Variants in ABCA12 observed in about 807,000 individuals in gnomAD.
The protein encoded by ABCA12 is ATP binding cassette subfamily A member 12.
In ABCA12, 156 loss-of-function variants were observed where a neutral mutation model predicts 293.5. That is an observed-to-expected ratio of 0.53 (90% confidence interval 0.47 to 0.61). The LOEUF (loss-of-function observed/expected upper bound fraction) is 0.61, where lower values mean the gene tolerates loss of function less well. Ranked by LOEUF, ABCA12 falls within the 20% of genes least tolerant of loss-of-function variation. The probability of loss-of-function intolerance (pLI) is 0.00; values close to 1 mark genes in which losing one functional copy is unlikely to be tolerated. For synonymous variants in ABCA12, 1,063 were observed against 1,108.0 expected (o/e 0.96, Z 0.81); for missense variants, 2,797 against 3,090.2 (o/e 0.91, Z 2.25).
intron 50 of ABCA12, among the ~76,000 whole-genome samples, chr2:214,938,030 T>C (rs760140246): frequency 2.0e-5 from 3 of 152,172 alleles, no homozygotes; most frequent in African/African-American, 4.8e-5. Context: ...TAGGTATACA[T>C]GTGCCGTGGT....
chr2:214,970,533 A>G (rs1177826457), intron 36 of ABCA12, 133 bp from the exon 37 acceptor site: 15 of 968,678 alleles, frequency 1.5e-5, no homozygotes, highest in Non-Finnish European at 2.3e-5. Flanking sequence ...CTGTCCTTTG[A>G]CTCTAAAGAG....
chr2:215,137,892 T>G (rs968065764), intron 1 of ABCA12, among the ~76,000 whole-genome samples: 1 of 152,218 alleles, frequency 6.6e-6, no homozygotes, highest in African/African-American at 2.4e-5. Flanking sequence ...ATGTTCTTTT[T>G]TTTTTGCCCA....
intron 7 of ABCA12, among the ~76,000 whole-genome samples, chr2:215,040,046 A>ACAATAACTGTT (rs1473195609): frequency 6.6e-6 from 1 of 152,186 alleles, no homozygotes; most frequent in African/African-American, 2.4e-5. Context: ...TTAACATACT[A>ACAATAACTGTT]AAAAGTATTA....
chr2:215,017,933 TAA>T, intron 14 of ABCA12, 73 bp downstream of exon 14: 1 of 1,599,444 alleles, frequency 6.3e-7, no homozygotes, highest in East Asian at 2.2e-5. Context: ...GTTTAACTGG[TAA>T]GCGCTCAACA....
At chr2:215,050,695 T>C (rs1271091725) in intron 5 of ABCA12, 3 of 738,014 alleles carry the variant, frequency 4.1e-6, no homozygotes, top group African/African-American at 3.8e-5. Flanking sequence ...CTAAAAGTAA[T>C]GGAACAAGAC....
chr2:215,015,171 AT>A (rs1574984459), intron 15 of ABCA12, among the ~76,000 whole-genome samples: 3 of 151,862 alleles, frequency 2.0e-5, no homozygotes, highest in Non-Finnish European at 4.4e-5. Flanking sequence ...TAAAAAAATA[AT>A]AATTGCAACA....
chr2:215,012,006 G>T lies in ABCA12; in HGVS notation c.2086C>A (p.Gln696Lys), dbSNP rs768468414. 1.5e-5 allele frequency: 25 copies of T among 1,613,822 alleles called. No individual in the cohort carries two copies. The highest frequency in any genetic ancestry group is 2.1e-5 in the Non-Finnish European group (25 of 1,179,928). The change falls in exon 16 of 53, where the codon CAA (glutamine) becomes AAA (lysine). Residue 696 changes from glutamine (Q) to lysine (K), a missense_variant. Transcript: ENST00000272895. ...GGAACACTTCTGGGCAGATGCATTTGCTTCAGGGATCTCATTTTGTCTAGC... is the reference window on the plus strand; with the variant it reads ...GGAACACTTCTGGGCAGATGCATTTTCTTCAGGGATCTCATTTTGTCTAGC... ...PLLDKMRSLK[Q>K]MHLPRSVPLT...
intron 35 of ABCA12, 78 bp from the exon 36 acceptor site, chr2:214,974,120 T>A: frequency 7.8e-7 from 1 of 1,277,970 alleles, no homozygotes; most frequent in Non-Finnish European, 1.1e-6. Context: ...TGTAAACAAG[T>A]ATTTGGTATT....
At chr2:214,945,479 T>C (rs1455568743) in intron 48 of ABCA12, among the ~76,000 whole-genome samples, 1 of 152,208 alleles carries the variant, frequency 6.6e-6, no homozygotes, top group Non-Finnish European at 1.5e-5. Flanking sequence ...GAATTGTGGC[T>C]ATGAGTGATA....
intron 2 of ABCA12, among the ~76,000 whole-genome samples, chr2:215,077,496 G>T (rs913940925): frequency 3.9e-5 from 6 of 152,044 alleles, no homozygotes; most frequent in Non-Finnish European, 7.4e-5. Context: ...GATACTAGCT[G>T]GGATTTCTCT....
At position 214,978,417 on chromosome 2, in the gene ABCA12, A is replaced by G. The variant is rs201291268; in HGVS notation, c.5027T>C (p.Leu1676Pro). 1.9e-6 allele frequency: 3 copies of G among 1,613,854 alleles called. No homozygotes were observed. In the East Asian group the frequency reaches 6.7e-5, roughly 36 times the overall value. ...KESQKNSAMS[L>P]EHLTQKKIGN... ...AATTTTCTTTTGTGTTAAGTGCTCAAGACTCATAGCACTATTTTTTTGTGA... is the reference window on the plus strand; with the variant it reads ...AATTTTCTTTTGTGTTAAGTGCTCAGGACTCATAGCACTATTTTTTTGTGA... Residue 1676 changes from leucine (L) to proline (P), a missense_variant, in exon 33 of 53, where the codon CTT (leucine) becomes CCT (proline). Physicochemically the swap from Leu to Pro is moderately conservative, Grantham distance 98 (BLOSUM62 -3). Transcript: ENST00000272895.
At position 215,045,887 on chromosome 2, in the gene ABCA12, C is replaced by G; in HGVS notation, c.822G>C (p.Gln274His). Residue 274 changes from glutamine to histidine, a missense_variant, in exon 7 of 53, where the codon CAG becomes CAC. Physicochemically the swap from Gln to His is conservative, Grantham distance 24. This residue lies in a region of ABCA12 where 656 missense variants were observed against 638.2 expected (regional missense o/e 1.03). Coordinates refer to ENST00000272895, the MANE Select transcript of ABCA12 (RefSeq NM_173076.3). ...QLLSSFPNVF[Q>H]NDTSLSNLFD... ...ATAGATTGCTTAGTGATGTGTCATT[C>G]TGAAACACATTTGGAAAACTAGACA... The G allele has an allele frequency of 1.2e-6, 2 of 1,613,640 alleles. No individual in the cohort carries two copies. The highest frequency in any genetic ancestry group is 1.7e-6 in the Non-Finnish European group (2 of 1,179,778).
chr2:215,028,003 G>A (rs542548452), intron 9 of ABCA12, among the ~76,000 whole-genome samples: 13 of 152,132 alleles, frequency 8.5e-5, no homozygotes, highest in East Asian at 1.9e-4. Flanking sequence ...GTGCTCTGTC[G>A]CTTCAACTGT....
chr2:215,103,038 C>A (rs1702389513), intron 2 of ABCA12, among the ~76,000 whole-genome samples: 1 of 152,256 alleles, frequency 6.6e-6, no homozygotes, highest in Non-Finnish European at 1.5e-5. Context: ...TGGTCCCAGG[C>A]AGTTGCTGAC....
chr2:215,026,398 T>G (rs557552643), intron 10 of ABCA12, among the ~76,000 whole-genome samples: 8 of 152,194 alleles, frequency 5.3e-5, no homozygotes, highest in African/African-American at 7.2e-5. Context: ...GCCACAAAAA[T>G]GCCTTTGTTT....
intron 8 of ABCA12, among the ~76,000 whole-genome samples, chr2:215,033,480 C>T (rs899743572): frequency 1.3e-5 from 2 of 152,102 alleles, no homozygotes; most frequent in Non-Finnish European, 2.9e-5. Flanking sequence ...CAATGACAGA[C>T]TTGACCCTGA....
At chr2:214,974,529 T>C (rs1234305018) in intron 35 of ABCA12, among the ~76,000 whole-genome samples, 1 of 152,132 alleles carries the variant, frequency 6.6e-6, no homozygotes, top group Non-Finnish European at 1.5e-5. Context: ...ATCCACAAGA[T>C]TGTGATAATT....
At chr2:215,022,980 G>A (rs1011407918) in intron 11 of ABCA12, 4 of 152,106 alleles carry the variant, frequency 2.6e-5, no homozygotes, top group African/African-American at 9.7e-5. Flanking sequence ...ACAATGAAGG[G>A]AGGAGAAAAC....
intron 6 of ABCA12, 58 bp from the exon 7 acceptor site, chr2:215,046,073 G>A: frequency 6.4e-7 from 1 of 1,554,454 alleles, no homozygotes; most frequent in Non-Finnish European, 8.8e-7. Flanking sequence ...GTAATCACAT[G>A]GTTTGCTGTT....
Sources: allele counts gnomAD v4.1 joint callset (sites outside exome capture counted in the v4.1 genomes callset), GRCh38; gene constraint gnomAD v4.1.1; regional missense constraint gnomAD v4.1.1; transcripts MANE v1.5; gene names NCBI Gene and HGNC (gene_info 2026-07-23, HGNC 2026-07-21).